REDIC1: variants seen among roughly 807,000 people sequenced by gnomAD.
The protein encoded by REDIC1 is regulator of DNA class I crossover intermediates 1.
the REDIC1 span, among the ~76,000 whole-genome samples, chr12:39,891,233 C>T: frequency 6.6e-6 from 1 of 151,004 alleles, no homozygotes; most frequent in Non-Finnish European, 1.5e-5. Context: ...TTCTGCTGAG[C>T]TCTGCCTCTG....
At chr12:39,743,492 A>C in the REDIC1 span, among the ~76,000 whole-genome samples, 4 of 152,234 alleles carry the variant, frequency 2.6e-5, no homozygotes, top group African/African-American at 9.6e-5. Flanking sequence ...AAAAAACACA[A>C]TTTGAAAAGA....
the REDIC1 span, chr12:39,683,293 A>G: frequency 1.0e-5 from 11 of 1,083,452 alleles, no homozygotes; most frequent in African/African-American, 1.6e-4. Context: ...ATGGCTTCCT[A>G]TTATATAACA....
the REDIC1 span, among the ~76,000 whole-genome samples, chr12:39,854,023 T>TA: frequency 6.6e-6 from 1 of 152,114 alleles, no homozygotes. Flanking sequence ...GGCTTAAAAC[T>TA]CTTCTCTTTG....
At chr12:39,642,213 TC>T in the REDIC1 span, among the ~76,000 whole-genome samples, 1 of 151,814 alleles carries the variant, frequency 6.6e-6, no homozygotes, top group African/African-American at 2.4e-5. Flanking sequence ...TTCTGTTCTT[TC>T]TTGGAACAGA....
chr12:39,801,669 C>G, the REDIC1 span, among the ~76,000 whole-genome samples: 4 of 152,346 alleles, frequency 2.6e-5, no homozygotes, highest in South Asian at 8.3e-4. Flanking sequence ...TTTCCTAGCT[C>G]TGCCACTTAA....
the REDIC1 span, among the ~76,000 whole-genome samples, chr12:39,698,237 T>G: frequency 2.0e-5 from 3 of 151,984 alleles, no homozygotes; most frequent in African/African-American, 7.3e-5. Context: ...ATTAAAGAGG[T>G]AGTTAGGCCA....
At chr12:39,801,853 A>G in the REDIC1 span, among the ~76,000 whole-genome samples, 2 of 152,136 alleles carry the variant, frequency 1.3e-5, no homozygotes, top group South Asian at 4.1e-4. Flanking sequence ...CTACTTGGAG[A>G]CTAATTAGGA....
At chr12:39,888,802 A>G in the REDIC1 span, among the ~76,000 whole-genome samples, 2 of 151,122 alleles carry the variant, frequency 1.3e-5, no homozygotes, top group African/African-American at 2.5e-5. Context: ...TTATAATATT[A>G]TATTAATAAC....
the REDIC1 span, chr12:39,683,154 A>G: frequency 1.3e-6 from 2 of 1,561,114 alleles, no homozygotes; most frequent in Non-Finnish European, 8.6e-7. Context: ...GGTATTGTAC[A>G]TGGAAAATGT....
chr12:39,645,975 A>G, the REDIC1 span, among the ~76,000 whole-genome samples: 1 of 152,056 alleles, frequency 6.6e-6, no homozygotes, highest in Non-Finnish European at 1.5e-5. Context: ...GTGTATCACA[A>G]AAATAGAGTA....
chr12:39,702,971 A>C, the REDIC1 span, among the ~76,000 whole-genome samples: 1 of 152,246 alleles, frequency 6.6e-6, no homozygotes, highest in Non-Finnish European at 1.5e-5. Flanking sequence ...ACCCACAGCC[A>C]GTATCATACT....
chr12:39,819,071 A>G, the REDIC1 span, among the ~76,000 whole-genome samples: 1 of 152,208 alleles, frequency 6.6e-6, no homozygotes, highest in African/African-American at 2.4e-5. Flanking sequence ...AAAACAGTAT[A>G]GTTATATAAG....
At chr12:39,820,714 AATTTAT>A in the REDIC1 span, among the ~76,000 whole-genome samples, 1 of 45,384 alleles carries the variant, frequency 2.2e-5, no homozygotes, top group African/African-American at 8.5e-5. Flanking sequence ...TAAATTTTTA[AATTTAT>A]ATATATATAT....
chr12:39,877,226 C>T, the REDIC1 span, among the ~76,000 whole-genome samples: 1 of 152,092 alleles, frequency 6.6e-6, no homozygotes, highest in Non-Finnish European at 1.5e-5. Flanking sequence ...GTTGAATGGA[C>T]TCAGAGTTCC....
At chr12:39,648,579 A>G in the REDIC1 span, among the ~76,000 whole-genome samples, 1 of 151,566 alleles carries the variant, frequency 6.6e-6, no homozygotes. Flanking sequence ...AGAGCATACC[A>G]GGAAATCTAC....
the REDIC1 span, among the ~76,000 whole-genome samples, chr12:39,851,346 T>C: frequency 5.9e-5 from 9 of 152,280 alleles, no homozygotes; most frequent in East Asian, 1.5e-3. Context: ...ATTTATGACA[T>C]AAAAATCATA....
chr12:39,647,863 A>G, the REDIC1 span: 1 of 1,609,216 alleles, frequency 6.2e-7, no homozygotes, highest in Non-Finnish European at 8.5e-7. Flanking sequence ...GTTTCACTCC[A>G]TCATCTTTTT....
At chr12:39,691,028 T>C in the REDIC1 span, among the ~76,000 whole-genome samples, 2 of 152,110 alleles carry the variant, frequency 1.3e-5, no homozygotes, top group East Asian at 1.9e-4. Context: ...AATGATAAGA[T>C]AGAGGGGTTA....
the REDIC1 span, among the ~76,000 whole-genome samples, chr12:39,731,747 C>A: frequency 5.3e-5 from 8 of 151,964 alleles, no homozygotes; most frequent in Non-Finnish European, 1.2e-4. Context: ...GAAGTTGTGC[C>A]TATAGCCGCC....
Sources: gnomAD v4.1 joint callset for allele counts (sites outside exome capture counted in the v4.1 genomes callset) on GRCh38, gnomAD v4.1.1 for gene constraint, MANE v1.5 for transcripts, NCBI Gene and HGNC (gene_info 2026-07-23, HGNC 2026-07-21) for gene names.